Variants in CCT6B observed in about 807,000 individuals in gnomAD.
CCT6B encodes the protein probable T-complex protein 1 subunit zeta-2.
CCT6B carries 49 observed loss-of-function variants against 61.5 expected under a neutral mutation model. That is an observed-to-expected ratio of 0.80 (90% CI 0.63 to 1.01). The LOEUF is 1.01. CCT6B is among the 50% of genes least tolerant of loss of function. CCT6B has a pLI of 0.00. For synonymous variants in CCT6B, 228 were observed against 214.5 expected (o/e 1.06, Z -0.55); for missense variants, 666 against 634.7 (o/e 1.05, Z -0.53).
In CCT6B at chr17:34,939,623, A is replaced by G; in HGVS notation, c.1059T>C (p.Tyr353=). ...CLGHAGLVYE[Y]TLGEEKFTFI... ...TGTTCATAGAAATACTCACTAATGTATACTCATACACAAGACCAGCATGTC... is the reference window on the plus strand; with the variant it reads ...TGTTCATAGAAATACTCACTAATGTGTACTCATACACAAGACCAGCATGTC... Residue 353 remains tyrosine (Y), a synonymous_variant, in exon 9 of 14, where the codon TAT becomes TAC. Coordinates refer to ENST00000314144, the MANE Select transcript of CCT6B (RefSeq NM_006584.4). The G allele has an allele frequency of 1.8e-5, 29 of 1,589,606 alleles. No individual in the cohort carries two copies. Among genetic ancestry groups the G allele is most frequent in the Non-Finnish European group, 2.4e-5 (28 of 1,157,746 alleles).
At chr17:34,953,945 C>T (rs1389874352) in intron 4 of CCT6B, among the ~76,000 whole-genome samples, 2 of 152,114 alleles carry the variant, frequency 1.3e-5, no homozygotes, top group Non-Finnish European at 2.9e-5. Flanking sequence ...CAGAGTAAGA[C>T]TCTGTCTCAA....
At chr17:34,933,754 A>G (rs1417455768) in intron 10 of CCT6B, among the ~76,000 whole-genome samples, 4 of 152,314 alleles carry the variant, frequency 2.6e-5, no homozygotes, top group Non-Finnish European at 2.9e-5. Context: ...AGCAGTACTT[A>G]AAGAGAAATT....
At chr17:34,961,186 C>A in intron 1 of CCT6B, 71 bp downstream of exon 1, 1 of 1,519,698 alleles carries the variant, frequency 6.6e-7, no homozygotes, top group Non-Finnish European at 8.9e-7. Context: ...TACGCGGACG[C>A]CTGCCTCAGA....
Position 34,939,220 on chromosome 17 carries a change from T to C in CCT6B, c.1176A>G (p.Arg392=). 6.2e-7 allele frequency: 1 copy of C among 1,613,962 alleles called. No homozygotes were observed. The highest frequency in any genetic ancestry group is 8.5e-7 in the Non-Finnish European group (1 of 1,179,924). Residue 392 remains arginine, a synonymous_variant, in exon 10 of 14, where the codon AGA becomes AGG. Coordinates refer to ENST00000314144, the MANE Select transcript of CCT6B (RefSeq NM_006584.4). The part of the protein sequence containing the change: ...HTLTQVKDAI[R]DGLRAIKNAI... ...CATTTTTGATAGCACGAAGTCCATC[T>C]CTTATGGCATCCTTGACTTGTGTGA...
chr17:34,942,578 C>A lies in CCT6B; in HGVS notation c.791G>T (p.Arg264Ile). 1 of 1,608,552 alleles carries A rather than the reference C, an allele frequency of 6.2e-7. No individual in the cohort carries two copies. The highest frequency in any genetic ancestry group is 2.2e-5 in the East Asian group (1 of 44,706). ...TTGTACTCTATCTTCAATAAATTTT[C>A]TTTCAGCTTTTACCAATTTCTCTTT... is the stretch of plus-strand genomic sequence containing the variant. ...EEKEKLVKAE[R>I]KFIEDRVQKI... The change falls in exon 7 of 14, where the codon AGA becomes ATA. Residue 264 changes from arginine (R) to isoleucine (I), a missense_variant. Arg to Ile is a moderately conservative substitution (Grantham distance 97). Transcript: ENST00000314144.
intron 5 of CCT6B, 28 bp from the exon 6 acceptor site, chr17:34,942,934 T>C (rs780935185): frequency 4.0e-5 from 51 of 1,261,534 alleles, no homozygotes; most frequent in Middle Eastern, 2.1e-4. Flanking sequence ...GTTTCTTACT[T>C]TGAATATATA....
Position 34,929,125 on chromosome 17 carries a change from A to G in CCT6B, c.1451-91T>C, listed in dbSNP as rs1402399702. 5.0e-6 allele frequency: 4 copies of G among 792,620 alleles called. No individual in the cohort carries two copies. In the African/African-American group the frequency reaches 7.0e-5, roughly 14 times the overall value. The allele number at this position is 792,620 out of a possible 1,614,324, so 49.1% of individuals were successfully genotyped here. On this transcript the variant is annotated intron_variant, in intron 12 of 13. Transcript: ENST00000314144. ...TCTAAAAATATTTAATACATTACCA[A>G]AACTACTTTTGTCAAGGTCATCAAT...
At chr17:34,945,656 G>A (rs771783905) in intron 5 of CCT6B, among the ~76,000 whole-genome samples, 27 of 151,990 alleles carry the variant, frequency 1.8e-4, no homozygotes, top group Non-Finnish European at 3.4e-4. Flanking sequence ...CCAATCAGCC[G>A]TTTTGTGTGT....
intron 12 of CCT6B, 121 bp from the exon 13 acceptor site, chr17:34,929,155 T>C: frequency 1.6e-6 from 1 of 638,336 alleles, no homozygotes; most frequent in Non-Finnish European, 2.8e-6. Context: ...ATCAATGACC[T>C]CCATATTGTT....
chr17:34,929,761 A>G (rs1388076852), intron 12 of CCT6B, among the ~76,000 whole-genome samples: 2 of 151,670 alleles, frequency 1.3e-5, no homozygotes, highest in Non-Finnish European at 2.9e-5. Flanking sequence ...TGATTCACCT[A>G]CCTTGGCCTC....
Position 34,961,263 on chromosome 17 carries a change from A to C in CCT6B, c.131T>G (p.Met44Arg), listed in dbSNP as rs1464788277. 1 of 1,603,010 alleles carries C rather than the reference A, an allele frequency of 6.2e-7. No individual in the cohort carries two copies. Residue 44 changes from methionine to arginine, a missense_variant, in exon 1 of 14, where the codon ATG (methionine) becomes AGG (arginine). By Grantham distance (91) the Met-to-Arg change is moderately conservative. Coordinates refer to ENST00000314144, the MANE Select transcript of CCT6B (RefSeq NM_006584.4). ...LRTNLGPKGT[M>R]KMLVSGAGDI... ...GCTCCAACCGCTGTCTCACATTTTC[A>C]TGGTGCCTTTAGGACCCAAGTTGGT... is the stretch of plus-strand genomic sequence containing the variant.
intron 5 of CCT6B, among the ~76,000 whole-genome samples, chr17:34,945,184 T>C (rs1481842841): frequency 1.3e-5 from 2 of 152,190 alleles, no homozygotes; most frequent in Non-Finnish European, 2.9e-5. Context: ...TGCTTTAAAC[T>C]TCCTTTACTA....
chr17:34,948,487 G>A (rs2090250853), intron 5 of CCT6B, among the ~76,000 whole-genome samples: 1 of 152,050 alleles, frequency 6.6e-6, no homozygotes, highest in Admixed American at 6.5e-5. Flanking sequence ...GGCCGAGGAG[G>A]GTGGATCACT....
chr17:34,929,131 C>T lies in CCT6B; in HGVS notation c.1451-97G>A, dbSNP rs933076170. On this transcript the variant is annotated intron_variant, in intron 12 of 13. Coordinates refer to ENST00000314144, the MANE Select transcript of CCT6B (RefSeq NM_006584.4). ...AATATTTAATACATTACCAAAACTA[C>T]TTTTGTCAAGGTCATCAATGACCTC... The T allele has an allele frequency of 6.7e-5, 51 of 759,714 alleles. No homozygotes were observed. In the African/African-American group the frequency reaches 7.3e-4, roughly 11 times the overall value. 47.1% of individuals were successfully genotyped at this position (759,714 alleles called of 1,614,324 possible).
chr17:34,954,639 C>T (rs1434751426), intron 3 of CCT6B, 40 bp from the exon 4 acceptor site: 7 of 1,523,600 alleles, frequency 4.6e-6, no homozygotes, highest in Non-Finnish European at 6.2e-6. Context: ...TAAAATAAGT[C>T]ACCCAATGTA....
At chr17:34,934,148 A>G (rs1007081630) in intron 10 of CCT6B, among the ~76,000 whole-genome samples, 2 of 151,820 alleles carry the variant, frequency 1.3e-5, no homozygotes, top group Non-Finnish European at 2.9e-5. Flanking sequence ...AAAAAAAAAA[A>G]AAAACTAAAA....
chr17:34,942,556 T>C lies in CCT6B; in HGVS notation c.813A>G (p.Val271=), dbSNP rs779908112. ...KAERKFIEDR[V]QKIIDLKDKV... ...TGTCCTTCAGGTCTATTATTTTTTG[T>C]ACTCTATCTTCAATAAATTTTCTTT... Residue 271 remains valine, a synonymous_variant, in exon 7 of 14, where the codon GTA becomes GTG. Transcript: ENST00000314144. The C allele has an allele frequency of 1.9e-6, 3 of 1,607,762 alleles. No individual in the cohort carries two copies. Among genetic ancestry groups the C allele is most frequent in the South Asian group, 2.2e-5 (2 of 89,878 alleles).
At chr17:34,937,545 C>T (rs2090108644) in intron 10 of CCT6B, among the ~76,000 whole-genome samples, 1 of 152,126 alleles carries the variant, frequency 6.6e-6, no homozygotes, top group Admixed American at 6.5e-5. Flanking sequence ...TGTATCCATA[C>T]TTGCACCATA....
Position 34,942,797 on chromosome 17 carries a change from T to C in CCT6B, c.724A>G (p.Thr242Ala). Residue 242 changes from threonine to alanine, a missense_variant and splice_region_variant, in exon 6 of 14, where the codon ACA (threonine) becomes GCA (alanine). Coordinates refer to ENST00000314144, the MANE Select transcript of CCT6B (RefSeq NM_006584.4). ...TTATAAAGAGAAAGTAACACGCACG[T>C]TTTTTCATATTCCAGTGAAACGTTG... ...ICNVSLEYEK[T>A]EVNSGFFYKT... 6.3e-7 allele frequency: 1 copy of C among 1,587,020 alleles called. No individual in the cohort carries two copies. Among genetic ancestry groups the C allele is most frequent in the Non-Finnish European group, 8.6e-7 (1 of 1,163,930 alleles).
Sources: allele counts gnomAD v4.1 joint callset (sites outside exome capture counted in the v4.1 genomes callset), GRCh38; gene constraint gnomAD v4.1.1; transcripts MANE v1.5; gene names NCBI Gene and HGNC (gene_info 2026-07-23, HGNC 2026-07-21).